The following TRPM7 variants were observed in gnomAD, a reference collection of about 807,000 sequenced individuals.
TRPM7 encodes the protein transient receptor potential cation channel subfamily M member 7, also known as LTRPC ion channel family member 7.
Under a neutral mutation model 229.7 loss-of-function variants are expected in TRPM7, and 134 were observed. The observed-to-expected ratio is 0.58, with a 90% CI of 0.51 to 0.67. The LOEUF is 0.67. TRPM7 is among the 30% of genes least tolerant of loss of function. The pLI is 0.00. For synonymous variants in TRPM7, 699 were observed against 715.2 expected (o/e 0.98, Z 0.36); for missense variants, 1,901 against 2,210.0 (o/e 0.86, Z 2.80).
chr15:50,569,969 T>C lies in TRPM7; in HGVS notation c.5385A>G (p.Pro1795=). 1 of 1,611,830 alleles carries C rather than the reference T, an allele frequency of 6.2e-7. No individual in the cohort carries two copies. The highest frequency in any genetic ancestry group is 8.5e-7 in the Non-Finnish European group (1 of 1,178,962). ...TAATTGCATCTTCTCCTAGATTTGC[T>C]GGGCCAAAAACCATATCACAGGATC... is the stretch of plus-strand genomic sequence containing the variant. ...EKRSCDMVFG[P]ANLGEDAIKN... The change falls in exon 38 of 39, where the codon CCA becomes CCG. Residue 1795 remains proline, a synonymous_variant. Transcript: ENST00000646667.
At chr15:50,590,819 G>T (rs541008013) in intron 26 of TRPM7, among the ~76,000 whole-genome samples, 12 of 123,174 alleles carry the variant, frequency 9.7e-5, no homozygotes, top group Non-Finnish European at 1.9e-4. Context: ...GGGAGACTCC[G>T]TCTTTTAAAA....
At chr15:50,583,596 G>C (rs1449161655) in intron 28 of TRPM7, among the ~76,000 whole-genome samples, 1 of 116,122 alleles carries the variant, frequency 8.6e-6, no homozygotes, top group Non-Finnish European at 1.9e-5. Flanking sequence ...TTTTTTTTGA[G>C]ACAGAGTTTC....
intron 1 of TRPM7, among the ~76,000 whole-genome samples, chr15:50,664,249 G>A (rs1362549304): frequency 1.3e-5 from 2 of 148,206 alleles, no homozygotes; most frequent in African/African-American, 5.0e-5. Context: ...GTCGGAGGTT[G>A]CAGTGAGCCG....
chr15:50,675,066 G>A (rs2062064319), intron 1 of TRPM7, among the ~76,000 whole-genome samples: 1 of 152,140 alleles, frequency 6.6e-6, no homozygotes, highest in South Asian at 2.1e-4. Flanking sequence ...CTCCTGGCTG[G>A]GCACGGTGGC....
chr15:50,557,879 GA>G lies in TRPM7; in HGVS notation c.*3798del, dbSNP rs2053188820. 6.6e-6 allele frequency: 1 copy of G among 152,166 alleles called. No individual in the cohort carries two copies. Among genetic ancestry groups the G allele is most frequent in the Admixed American group, 6.6e-5 (1 of 15,264 alleles). The allele number at this position is 152,166 out of a possible 1,614,324, so 9.4% of individuals were successfully genotyped here. A position where few individuals can be genotyped will look rare whatever the true frequency, so the allele number is the denominator to read the frequency against. Reference sequence around the variant, plus strand: ...GGCTGGTCTTGAACTCCTGACCTCAGATGATCCACCCACCTTGGCCTCCCAA... The same window carrying G: ...GGCTGGTCTTGAACTCCTGACCTCAGTGATCCACCCACCTTGGCCTCCCAA... On this transcript the variant is annotated 3_prime_UTR_variant, in exon 39 of 39. Transcript: ENST00000646667.
At chr15:50,618,294 G>A (rs900220528) in intron 13 of TRPM7, among the ~76,000 whole-genome samples, 3 of 152,080 alleles carry the variant, frequency 2.0e-5, no homozygotes, top group Non-Finnish European at 4.4e-5. Context: ...TTTTAAAAAA[G>A]TTAAAAATGC....
chr15:50,635,435 G>A (rs574686385), intron 7 of TRPM7, among the ~76,000 whole-genome samples: 2 of 151,278 alleles, frequency 1.3e-5, no homozygotes, highest in East Asian at 1.9e-4. Flanking sequence ...AGGCCAAGTC[G>A]GGCAGATCAC....
chr15:50,599,174 A>C lies in TRPM7; in HGVS notation c.3111T>G (p.Val1037=). ...APSWTLAKDI[V]FHPYWMIFGE... Reference sequence around the variant, plus strand: ...CAAAAATCATCCAGTATGGGTGAAAAACTATATCTTTAGCAAGAGTCCAAG... The same window carrying C: ...CAAAAATCATCCAGTATGGGTGAAACACTATATCTTTAGCAAGAGTCCAAG... Residue 1037 remains valine, a synonymous_variant, in exon 22 of 39, where the codon GTT becomes GTG. Transcript: ENST00000646667. 1 of 1,613,266 alleles carries C rather than the reference A, an allele frequency of 6.2e-7. No individual in the cohort carries two copies. Among genetic ancestry groups the C allele is most frequent in the Non-Finnish European group, 8.5e-7 (1 of 1,179,610 alleles).
At chr15:50,655,835 C>T (rs1051305872) in intron 3 of TRPM7, among the ~76,000 whole-genome samples, 4 of 151,618 alleles carry the variant, frequency 2.6e-5, no homozygotes, top group East Asian at 1.9e-4. Context: ...ACTAAAAGTA[C>T]GAAAATTAGC....
In TRPM7 at chr15:50,574,736, G is replaced by A. The variant is rs2054053779; in HGVS notation, c.5020-17C>T. 1 of 1,605,352 alleles carries A rather than the reference G, an allele frequency of 6.2e-7. No homozygotes were observed. The highest frequency in any genetic ancestry group is 8.5e-7 in the Non-Finnish European group (1 of 1,175,404). ...TTGAATTTCCTATAAAAGGGAGGGTGGGGAGAACCCTTGTTTAATATTTAA... is the reference window on the plus strand; with the variant it reads ...TTGAATTTCCTATAAAAGGGAGGGTAGGGAGAACCCTTGTTTAATATTTAA... On this transcript the variant is annotated splice_polypyrimidine_tract_variant and intron_variant, in intron 34 of 38. Transcript: ENST00000646667.
In TRPM7 at chr15:50,615,604, G is replaced by C. The variant is rs369062890; in HGVS notation, c.1495-1341C>G. Reference sequence around the variant, plus strand: ...ACCATCACCATTTTTTTATTTCCCTGATTATGTCATGAACTTGTTTTTTTT... The same window carrying C: ...ACCATCACCATTTTTTTATTTCCCTCATTATGTCATGAACTTGTTTTTTTT... On this transcript the variant is annotated intron_variant, in intron 13 of 38. Coordinates refer to ENST00000646667, the MANE Select transcript of TRPM7 (RefSeq NM_017672.6). 1.0e-3 allele frequency among the ~76,000 whole-genome samples: 157 copies of C among 151,812 alleles called. 4 individuals are homozygous for C. The South Asian group carries it at 0.025, about 25-fold the overall frequency.
intron 13 of TRPM7, 131 bp from the exon 14 acceptor site, chr15:50,614,394 G>T: frequency 1.2e-6 from 1 of 812,240 alleles, no homozygotes; most frequent in Non-Finnish European, 1.8e-6. Flanking sequence ...GCCAGGTGCA[G>T]TGGCTCACGC....
rs764246134 is a variant in TRPM7 at position 50,561,429 on chromosome 15, C to T, written c.*249G>A. On this transcript the variant is annotated 3_prime_UTR_variant, in exon 39 of 39. Transcript: ENST00000646667. ...GAGATCCTCTGCTATACAAAGAGCC[C>T]TTTAAAAAGTTATAAATACTAATTA... is the stretch of plus-strand genomic sequence containing the variant. 3.1e-5 allele frequency: 12 copies of T among 389,840 alleles called. No homozygotes were observed. The highest frequency in any genetic ancestry group is 5.5e-5 in the Non-Finnish European group (12 of 219,872). The allele number at this position is 389,840 out of a possible 1,614,324, so 24.1% of individuals were successfully genotyped here.
intron 16 of TRPM7, 79 bp downstream of exon 16, chr15:50,612,470 A>G: frequency 8.2e-7 from 1 of 1,225,288 alleles, no homozygotes; most frequent in South Asian, 1.4e-5. Flanking sequence ...ACCATTAAGT[A>G]CGTGGCACTG....
chr15:50,679,867 C>T (rs901622689), intron 1 of TRPM7, among the ~76,000 whole-genome samples: 65 of 151,970 alleles, frequency 4.3e-4, no homozygotes, highest in Non-Finnish European at 7.8e-4. Flanking sequence ...GAGTTACACC[C>T]ATCCAGAAAT....
intron 10 of TRPM7, among the ~76,000 whole-genome samples, chr15:50,629,622 C>T (rs1339773983): frequency 6.6e-6 from 1 of 152,034 alleles, no homozygotes; most frequent in East Asian, 1.9e-4. Flanking sequence ...TAAGTTCTGA[C>T]CCATTTTTCT....
At chr15:50,640,325 G>A (rs938608498) in intron 5 of TRPM7, among the ~76,000 whole-genome samples, 2 of 152,048 alleles carry the variant, frequency 1.3e-5, no homozygotes, top group Non-Finnish European at 1.5e-5. Context: ...AGGCTGGAGT[G>A]CAGTGGTGTG....
At chr15:50,650,839 A>G (rs2061403053) in intron 3 of TRPM7, among the ~76,000 whole-genome samples, 1 of 152,254 alleles carries the variant, frequency 6.6e-6, no homozygotes, top group Admixed American at 6.5e-5. Context: ...AGTGGAATAC[A>G]ACAAATGCCA....
chr15:50,606,235 C>T (rs2059914354), intron 20 of TRPM7, among the ~76,000 whole-genome samples: 2 of 151,860 alleles, frequency 1.3e-5, no homozygotes, highest in South Asian at 2.1e-4. Context: ...AAAAATTAGC[C>T]AGGCTTGGTG....
Sources: gnomAD v4.1 joint callset for allele counts (sites outside exome capture counted in the v4.1 genomes callset) on GRCh38, gnomAD v4.1.1 for gene constraint, MANE v1.5 for transcripts, NCBI Gene and HGNC (gene_info 2026-07-23, HGNC 2026-07-21) for gene names.